SPG11: variants seen among roughly 807,000 people sequenced by gnomAD.
SPG11 encodes the protein spatacsin.
SPG11 carries 222 observed loss-of-function variants against 274.0 expected under a neutral mutation model. That is an observed-to-expected ratio of 0.81 (90% CI 0.73 to 0.91). SPG11 has a LOEUF of 0.91. SPG11 is among the 40% of genes least tolerant of loss of function. SPG11 has a pLI of 0.00. For synonymous variants in SPG11, 1,144 were observed against 1,039.7 expected (o/e 1.10, Z -1.93); for missense variants, 3,114 against 2,872.7 (o/e 1.08, Z -1.92).
chr15:44,625,088 C>T (rs887015096), intron 11 of SPG11, among the ~76,000 whole-genome samples: 3 of 150,518 alleles, frequency 2.0e-5, no homozygotes, highest in East Asian at 3.9e-4. Flanking sequence ...GAGCCAAGAT[C>T]GCACCATTGC....
chr15:44,574,640 T>C (rs765562991), intron 31 of SPG11, among the ~76,000 whole-genome samples: 5 of 152,196 alleles, frequency 3.3e-5, no homozygotes, highest in Admixed American at 6.5e-5. Flanking sequence ...TCATCATTTA[T>C]AGATGACGAA....
chr15:44,626,370 C>T lies in SPG11; in HGVS notation c.2205G>A (p.Lys735=), dbSNP rs747102973. 7.4e-6 allele frequency: 12 copies of T among 1,613,260 alleles called. No individual in the cohort carries two copies. In the Admixed American group the frequency reaches 8.3e-5, roughly 11 times the overall value. The change falls in exon 11 of 40, where the codon AAG becomes AAA. Residue 735 remains lysine, a synonymous_variant. Transcript: ENST00000261866. ...GTTCAGAGGCTTCCTTTATATTGTT[C>T]TTTTTTAAATTGTCAAAGACCAAAT... ...GLNLVFDNLK[K]NNIKEASELL...
At chr15:44,610,189 C>T (rs2083425831) in intron 18 of SPG11, among the ~76,000 whole-genome samples, 1 of 151,276 alleles carries the variant, frequency 6.6e-6, no homozygotes, top group Non-Finnish European at 1.5e-5. Flanking sequence ...AGGTGTGAGC[C>T]ACCGCACTCG....
chr15:44,603,595 T>C (rs1474347781), intron 20 of SPG11, among the ~76,000 whole-genome samples: 1 of 152,176 alleles, frequency 6.6e-6, no homozygotes, highest in East Asian at 1.9e-4. Context: ...CAAAAATGTC[T>C]TTTTTTAGAT....
In SPG11 at chr15:44,651,822, A is replaced by C; in HGVS notation, c.1125T>G (p.Gly375=). The stretch of plus-strand genomic sequence containing the variant: ...AGCTCTGCACACTTGTACTGTGGTT[A>C]CCAGATTCAGGTGACTCCAAATGCA... The part of the protein sequence containing the change: ...DILHLESPES[G]NHSTSVQSWA... The change falls in exon 6 of 40, where the codon GGT becomes GGG. Residue 375 remains glycine (G), a synonymous_variant. Coordinates refer to ENST00000261866, the MANE Select transcript of SPG11 (RefSeq NM_025137.4). The C allele has an allele frequency of 6.2e-7, 1 of 1,614,188 alleles. No individual in the cohort carries two copies. Among genetic ancestry groups the C allele is most frequent in the Non-Finnish European group, 8.5e-7 (1 of 1,180,030 alleles).
At chr15:44,615,095 T>G (rs2083559623) in intron 16 of SPG11, among the ~76,000 whole-genome samples, 1 of 152,218 alleles carries the variant, frequency 6.6e-6, no homozygotes, top group South Asian at 2.1e-4. Context: ...TTTTAAAGCA[T>G]TTCTTTCATT....
chr15:44,628,539 AT>A, intron 10 of SPG11, 129 bp downstream of exon 10: 1 of 884,104 alleles, frequency 1.1e-6, no homozygotes, highest in Non-Finnish European at 1.8e-6. Flanking sequence ...CCCCAAACCG[AT>A]AAAACCTAAA....
chr15:44,580,198 A>T (rs2140940824), intron 30 of SPG11, among the ~76,000 whole-genome samples: 1 of 152,274 alleles, frequency 6.6e-6, no homozygotes, highest in South Asian at 2.1e-4. Context: ...AATACTTACC[A>T]TTGTGTTATA....
Position 44,572,802 on chromosome 15 carries a change from T to G in SPG11, c.6224A>C (p.Asn2075Thr), listed in dbSNP as rs140824939. The change falls in exon 33 of 40, where the codon AAC (asparagine) becomes ACC (threonine). Residue 2075 changes from asparagine (N) to threonine (T), a missense_variant. Transcript: ENST00000261866. The part of the protein sequence containing the change: ...SQGTGHKQMF[N>T]PTEESQTFLQ... The stretch of plus-strand genomic sequence containing the variant: ...AAATGTCTGGCTTTCCTCTGTTGGG[T>G]TGAACATCTGCTTATGTCCTGTACA... 6.8e-6 allele frequency: 11 copies of G among 1,613,956 alleles called. No individual in the cohort carries two copies. Among genetic ancestry groups the G allele is most frequent in the South Asian group, 4.4e-5 (4 of 91,066 alleles).
At chr15:44,583,039 A>C (rs1218528926) in intron 30 of SPG11, among the ~76,000 whole-genome samples, 1 of 152,182 alleles carries the variant, frequency 6.6e-6, no homozygotes, top group East Asian at 1.9e-4. Context: ...AGCAAGAACA[A>C]GAAATAAAAG....
At chr15:44,622,689 T>C (rs372772203) in intron 12 of SPG11, 39 bp downstream of exon 12, 1 of 1,512,476 alleles carries the variant, frequency 6.6e-7, no homozygotes. Context: ...ACCCAGGCTT[T>C]CTAGAAAATG....
chr15:44,570,642 G>A lies in SPG11; in HGVS notation c.6360C>T (p.Ile2120=), dbSNP rs368605117. ...GELSCTTELL[I]LAHHCFTLTC... is the part of the protein sequence containing the mutation. ...TCAGGGTGAAGCAATGATGGGCCAG[G>A]ATCAGGAGCTCTGTGGCTGGGAGGG... is the stretch of plus-strand genomic sequence containing the variant. Residue 2120 remains isoleucine, a synonymous_variant, in exon 34 of 40, where the codon ATC becomes ATT. Transcript: ENST00000261866. 7.7e-5 allele frequency: 125 copies of A among 1,614,060 alleles called. No individual in the cohort carries two copies. The African/African-American group carries it at 1.6e-3, about 20-fold the overall frequency.
At chr15:44,652,488 A>C (rs935132253) in intron 4 of SPG11, among the ~76,000 whole-genome samples, 1 of 152,166 alleles carries the variant, frequency 6.6e-6, no homozygotes, top group Non-Finnish European at 1.5e-5. Context: ...CAGTAAGAAC[A>C]CTTACTGTCT....
intron 15 of SPG11, among the ~76,000 whole-genome samples, chr15:44,617,796 C>T (rs1364799183): frequency 6.6e-6 from 1 of 152,110 alleles, no homozygotes; most frequent in Non-Finnish European, 1.5e-5. Flanking sequence ...CTGCCTCAGC[C>T]TTCTGAGTAG....
At position 44,563,424 on chromosome 15, in the gene SPG11, C is replaced by A. The variant is rs1332337262; in HGVS notation, c.7152-123G>T. The A allele has an allele frequency of 1.4e-5, 11 of 808,762 alleles. No homozygotes were observed. In the East Asian group the frequency reaches 2.6e-4, roughly 19 times the overall value. 50.1% of individuals were successfully genotyped at this position (808,762 alleles called of 1,614,324 possible). On this transcript the variant is annotated intron_variant, in intron 39 of 39. Coordinates refer to ENST00000261866, the MANE Select transcript of SPG11 (RefSeq NM_025137.4). ...AGCAGTCTTGGCTCACTGCAACCTC[C>A]ACCTGCTGGGTTCAAGTGATTCTTG... is the stretch of plus-strand genomic sequence containing the variant.
intron 14 of SPG11, chr15:44,621,540 T>C (rs1175956126): frequency 1.9e-6 from 1 of 519,274 alleles, no homozygotes; most frequent in African/African-American, 1.9e-5. Flanking sequence ...CCTTGAAATC[T>C]CAATTAACTA....
At position 44,648,986 on chromosome 15, in the gene SPG11, A is replaced by C; in HGVS notation, c.1482T>G (p.Phe494Leu). 1.2e-6 allele frequency: 2 copies of C among 1,613,806 alleles called. No individual in the cohort carries two copies. The highest frequency in any genetic ancestry group is 1.7e-6 in the Non-Finnish European group (2 of 1,179,690). The change falls in exon 7 of 40, where the codon TTT (phenylalanine) becomes TTG (leucine). Residue 494 changes from phenylalanine (F) to leucine (L), a missense_variant. Physicochemically the swap from Phe to Leu is conservative, Grantham distance 22. Coordinates refer to ENST00000261866, the MANE Select transcript of SPG11 (RefSeq NM_025137.4). ...LTENGLSLIL[F>L]GLTQEEFLNR... is the part of the protein sequence containing the mutation. The stretch of plus-strand genomic sequence containing the variant: ...TTAAAAACTCTTCTTGAGTCAAACC[A>C]AACAAAATCAGAGAGAGTCCATTCT...
intron 7 of SPG11, among the ~76,000 whole-genome samples, chr15:44,634,079 T>C (rs1281746903): frequency 6.6e-6 from 1 of 152,038 alleles, no homozygotes; most frequent in African/African-American, 2.4e-5. Flanking sequence ...CCTCAAATGA[T>C]CCACCTGCCT....
Position 44,615,552 on chromosome 15 carries a change from A to C in SPG11, c.2849T>G (p.Leu950Trp). The change falls in exon 16 of 40, where the codon TTG becomes TGG. Residue 950 changes from leucine to tryptophan, a missense_variant. Coordinates refer to ENST00000261866, the MANE Select transcript of SPG11 (RefSeq NM_025137.4). Reference sequence around the variant, plus strand: ...TTCAAAGTCTTCCAGTTCAGATGCCAAAAAAACCCCATTCCTATGGACAGA... The same window carrying C: ...TTCAAAGTCTTCCAGTTCAGATGCCCAAAAAACCCCATTCCTATGGACAGA... ...LDKLARNGVFLASELEDFECF... is the reference protein window; with the variant it reads ...LDKLARNGVFWASELEDFECF... 6.2e-7 allele frequency: 1 copy of C among 1,613,074 alleles called. No homozygotes were observed. Among genetic ancestry groups the C allele is most frequent in the Non-Finnish European group, 8.5e-7 (1 of 1,179,268 alleles).
Sources: gnomAD v4.1 joint callset for allele counts (sites outside exome capture counted in the v4.1 genomes callset) on GRCh38, gnomAD v4.1.1 for gene constraint, MANE v1.5 for transcripts, NCBI Gene and HGNC (gene_info 2026-07-23, HGNC 2026-07-21) for gene names.